The following CMPK2 variants were observed in gnomAD, a reference collection of about 807,000 sequenced individuals.
CMPK2 encodes UMP-CMP kinase 2, mitochondrial.
A neutral mutation model predicts 33.4 loss-of-function variants in CMPK2; 32 were observed. The ratio of observed to expected loss-of-function variants is 0.96; its 90% CI spans 0.72 to 1.29. CMPK2 has a LOEUF of 1.29. Ranked by LOEUF, CMPK2 falls within the 50% of genes most tolerant of loss-of-function variation. The probability of loss-of-function intolerance (pLI) is 0.00; values close to 1 mark genes in which losing one functional copy is unlikely to be tolerated. For synonymous variants in CMPK2, 299 were observed against 275.3 expected, an observed-to-expected ratio of 1.09 and a Z score of -0.85; for missense variants, 672 against 616.0, an observed-to-expected ratio of 1.09 and a Z score of -0.96.
chr2:6,851,274 G>A, intron 4 of CMPK2, 176 bp downstream of exon 4: 1 of 1,441,024 alleles, frequency 6.9e-7, no homozygotes, highest in Non-Finnish European at 9.1e-7. Context: ...TAACAATGCT[G>A]CAGCCCTGTG....
intron 4 of CMPK2, chr2:6,850,727 G>A: frequency 1.0e-6 from 1 of 980,228 alleles, no homozygotes; most frequent in African/African-American, 1.7e-5. Flanking sequence ...ACCCACAGCA[G>A]CTACCATTAT....
rs1173059072 is a variant in CMPK2, at chr2:6,865,659, G to A, written c.38C>T (p.Ser13Leu). ...CCCGCGCCGCCCGAGCAGCGGCCCC[G>A]ACAGTGGCCCGCGCAGGAGCCGGCG... ...FARRLLRGPL[S>L]GPLLGRRGVC... The change falls in exon 1 of 5, where the codon TCG becomes TTG. Residue 13 changes from serine (S) to leucine (L), a missense_variant. Physicochemically the swap from Ser to Leu is moderately radical, Grantham distance 145. Transcript: ENST00000256722. The A allele has an allele frequency of 1.5e-6, 2 of 1,320,324 alleles. No individual in the cohort carries two copies. Among genetic ancestry groups the A allele is most frequent in the Non-Finnish European group, 1.9e-6 (2 of 1,043,340 alleles). 81.8% of individuals were successfully genotyped at this position (1,320,324 alleles called of 1,614,324 possible). A position where few individuals can be genotyped will look rare whatever the true frequency, so the allele number is the denominator to read the frequency against.
intron 1 of CMPK2, 131 bp from the exon 2 acceptor site, chr2:6,863,709 G>T: frequency 1.6e-6 from 1 of 623,358 alleles, no homozygotes; most frequent in Non-Finnish European, 2.9e-6. Flanking sequence ...GCCAGGCCAT[G>T]GGAATTCAGA....
chr2:6,852,373 G>T (rs114752669), intron 3 of CMPK2, among the ~76,000 whole-genome samples: 2,661 of 152,220 alleles, frequency 0.017, 74 homozygotes, highest in African/African-American at 0.058. Flanking sequence ...ATGCCTAGTG[G>T]CTTCCTACAA....
Position 6,851,601 on chromosome 2 carries a change from C to G in CMPK2, c.1075G>C (p.Val359Leu). 2 of 1,614,176 alleles carry G rather than the reference C, an allele frequency of 1.2e-6. No homozygotes were observed. Among genetic ancestry groups the G allele is most frequent in the East Asian group, 2.2e-5 (1 of 44,876 alleles). ...AGCAGGTCCTCTGGCCACTGGTACACAGGGTGATGGGCTGGGGGCAGGTGC... is the reference window on the plus strand; with the variant it reads ...AGCAGGTCCTCTGGCCACTGGTACAGAGGGTGATGGGCTGGGGGCAGGTGC... ...LQHLPPAHHP[V>L]YQWPEDLLKP... Residue 359 changes from valine (V) to leucine (L), a missense_variant, in exon 4 of 5, where the codon GTG becomes CTG. Transcript: ENST00000256722.
chr2:6,844,070 G>C (rs1356609133), downstream of CMPK2, among the ~76,000 whole-genome samples: 1 of 152,180 alleles, frequency 6.6e-6, no homozygotes, highest in Non-Finnish European at 1.5e-5. Context: ...CCACAGGGTG[G>C]ACAGGGTTGA....
chr2:6,853,766 G>C (rs924070855), intron 3 of CMPK2, among the ~76,000 whole-genome samples: 3 of 152,078 alleles, frequency 2.0e-5, no homozygotes, highest in African/African-American at 7.2e-5. Context: ...GCCGGGCGTG[G>C]TGGCGGGCAC....
Position 6,861,314 on chromosome 2 carries a change from T to C in CMPK2, c.862A>G (p.Ile288Val). 2 of 1,614,124 alleles carry C rather than the reference T, an allele frequency of 1.2e-6. No homozygotes were observed. Among genetic ancestry groups the C allele is most frequent in the Non-Finnish European group, 1.7e-6 (2 of 1,180,010 alleles). The change falls in exon 3 of 5, where the codon ATT (isoleucine) becomes GTT (valine). Residue 288 changes from isoleucine to valine, a missense_variant. By Grantham distance (29) the Ile-to-Val change is conservative. Coordinates refer to ENST00000256722, the MANE Select transcript of CMPK2 (RefSeq NM_207315.4). ...TCAAAGATCTTCCTCCACTGGCCAA[T>C]GCAAGAGGGTGGTGACTTTAAGAGG... ...AVLLKSPPSC[I>V]GQWRKIFDDE... is the part of the protein sequence containing the mutation.
At chr2:6,865,963 C>A (rs948303306), upstream of CMPK2, 14 of 1,108,982 alleles carry the variant, frequency 1.3e-5, no homozygotes, top group Admixed American at 3.7e-5. Flanking sequence ...GCCCCAGGTG[C>A]GCGGCTCCGC....
chr2:6,855,357 C>CAA (rs1662656449), intron 3 of CMPK2, among the ~76,000 whole-genome samples: 1 of 151,562 alleles, frequency 6.6e-6, no homozygotes, highest in Non-Finnish European at 1.5e-5. Flanking sequence ...CTCTCTCTCT[C>CAA]TCCTGTTGCC....
At chr2:6,858,211 C>CTT (rs879922528) in intron 3 of CMPK2, among the ~76,000 whole-genome samples, 12 of 144,894 alleles carry the variant, frequency 8.3e-5, no homozygotes, top group African/African-American at 2.5e-4. Flanking sequence ...TCACATTTGC[C>CTT]TTTTTTTTTT....
chr2:6,841,022 A>G (rs1244632558), intron 3 of CMPK2, among the ~76,000 whole-genome samples: 1 of 151,948 alleles, frequency 6.6e-6, no homozygotes, highest in Admixed American at 6.6e-5. Context: ...TCTCTTAATG[A>G]TATCATTTGT....
chr2:6,860,609 C>T (rs935546416), intron 3 of CMPK2, among the ~76,000 whole-genome samples: 4 of 152,214 alleles, frequency 2.6e-5, no homozygotes, highest in Admixed American at 6.5e-5. Context: ...TGTGAGGCCT[C>T]CCCAGCCCCA....
chr2:6,848,400 T>C lies in CMPK2; in HGVS notation c.*1450A>G, dbSNP rs1662416492. 2.0e-6 allele frequency: 2 copies of C among 984,958 alleles called. No homozygotes were observed. Among genetic ancestry groups the C allele is most frequent in the African/African-American group, 3.5e-5 (2 of 57,236 alleles). 61.0% of individuals were successfully genotyped at this position (984,958 alleles called of 1,614,324 possible). On this transcript the variant is annotated 3_prime_UTR_variant, in exon 5 of 5. Coordinates refer to ENST00000256722, the MANE Select transcript of CMPK2 (RefSeq NM_207315.4). Reference sequence around the variant, plus strand: ...TGTTTGTTTTTCTAGGCTGCCAGTATAAGCTTTTCAAAATGTTTAAAGTAA... The same window carrying C: ...TGTTTGTTTTTCTAGGCTGCCAGTACAAGCTTTTCAAAATGTTTAAAGTAA...
At chr2:6,851,282 G>A in intron 4 of CMPK2, 168 bp downstream of exon 4, 1 of 1,456,294 alleles carries the variant, frequency 6.9e-7, no homozygotes, top group Non-Finnish European at 9.1e-7. Context: ...CTGCAGCCCT[G>A]TGGTGACAAG....
At chr2:6,850,206 T>C (rs1287923788) in intron 4 of CMPK2, among the ~76,000 whole-genome samples, 1 of 152,220 alleles carries the variant, frequency 6.6e-6, no homozygotes, top group Non-Finnish European at 1.5e-5. Flanking sequence ...TGCCAAGCAT[T>C]AGCATTTTGC....
chr2:6,853,770 C>T (rs1327808758), intron 3 of CMPK2, among the ~76,000 whole-genome samples: 8 of 152,000 alleles, frequency 5.3e-5, no homozygotes, highest in Non-Finnish European at 7.4e-5. Flanking sequence ...GGCGTGGTGG[C>T]GGGCACCTGT....
In CMPK2 at chr2:6,858,610, T is replaced by G. The variant is rs571696441; in HGVS notation, c.992+2574A>C. Among the ~76,000 whole-genome samples the G allele has an allele frequency of 2.3e-4, 35 of 152,134 alleles. 2 individuals are homozygous for G. In the South Asian group the frequency reaches 6.5e-3, roughly 28 times the overall value. Reference sequence around the variant, plus strand: ...ACTAAGTCTCACAAGATCTGATGGTTTTAAAAAGGGGAGTTTCCCTACACA... The same window carrying G: ...ACTAAGTCTCACAAGATCTGATGGTGTTAAAAAGGGGAGTTTCCCTACACA... On this transcript the variant is annotated intron_variant, in intron 3 of 4. Coordinates refer to ENST00000256722, the MANE Select transcript of CMPK2 (RefSeq NM_207315.4).
intron 3 of CMPK2, among the ~76,000 whole-genome samples, chr2:6,858,426 T>G (rs1405984322): frequency 6.6e-6 from 1 of 152,236 alleles, no homozygotes; most frequent in Non-Finnish European, 1.5e-5. Context: ...AATGTTAAGT[T>G]TGCTCCATGA....
Sources: gnomAD v4.1 joint callset for allele counts (sites outside exome capture counted in the v4.1 genomes callset) on GRCh38, gnomAD v4.1.1 for gene constraint, MANE v1.5 for transcripts, NCBI Gene and HGNC (gene_info 2026-07-23, HGNC 2026-07-21) for gene names.